Variants in HHAT observed in about 807,000 individuals in gnomAD.
The protein encoded by HHAT is protein-cysteine N-palmitoyltransferase HHAT.
In HHAT, 47 loss-of-function variants were observed where a neutral mutation model predicts 70.8. The ratio of observed to expected loss-of-function variants is 0.66; its 90% CI spans 0.53 to 0.85. HHAT has a LOEUF of 0.85. Ranked by LOEUF, HHAT falls within the 40% of genes least tolerant of loss-of-function variation. HHAT has a pLI of 0.00. For missense variants in HHAT, 609 were observed against 604.8 expected (o/e 1.01, Z -0.07); for synonymous variants, 228 against 247.6 (o/e 0.92, Z 0.74).
intron 10 of HHAT, among the ~76,000 whole-genome samples, chr1:210,595,533 G>A (rs79553015): frequency 0.069 from 10,512 of 152,184 alleles, 484 homozygotes; most frequent in Admixed American, 0.12. Context: ...TCCCTGAGGA[G>A]TCGCCACACT....
chr1:210,546,806 G>A (rs954750071), intron 9 of HHAT, among the ~76,000 whole-genome samples: 10 of 152,142 alleles, frequency 6.6e-5, no homozygotes, highest in African/African-American at 2.4e-4. Context: ...GGAATGGGGA[G>A]GTTGGGATGA....
chr1:210,651,814 G>A (rs1344229655), intron 11 of HHAT, among the ~76,000 whole-genome samples: 1 of 152,230 alleles, frequency 6.6e-6, no homozygotes, highest in African/African-American at 2.4e-5. Context: ...TGGAAAACCT[G>A]GGCATCCAAG....
chr1:210,500,239 CTTG>C (rs2094727464), intron 8 of HHAT, among the ~76,000 whole-genome samples: 2 of 152,206 alleles, frequency 1.3e-5, no homozygotes, highest in South Asian at 2.1e-4. Context: ...TGAATAATCA[CTTG>C]TTGTGATGAT....
intron 9 of HHAT, among the ~76,000 whole-genome samples, chr1:210,558,710 C>G (rs1558158849): frequency 6.6e-6 from 1 of 152,072 alleles, no homozygotes; most frequent in Non-Finnish European, 1.5e-5. Flanking sequence ...GCAGTCTCTG[C>G]CATTTTCTTT....
intron 11 of HHAT, among the ~76,000 whole-genome samples, chr1:210,651,858 G>C (rs891217827): frequency 6.6e-6 from 1 of 152,242 alleles, no homozygotes; most frequent in Admixed American, 6.5e-5. Flanking sequence ...TCTAGGCCAG[G>C]GCTTGGTTGT....
At position 210,636,290 on chromosome 1, in the gene HHAT, G is replaced by C. The variant is rs190886434; in HGVS notation, c.1390+12620G>C. Among the ~76,000 whole-genome samples the C allele has an allele frequency of 5.8e-3, 877 of 152,300 alleles. 4 individuals are homozygous for C. The highest frequency in any genetic ancestry group is 8.5e-3 in the Non-Finnish European group (581 of 68,034). On this transcript the variant is annotated intron_variant, in intron 11 of 11. Transcript: ENST00000261458. ...CAATAGTTACATTTCCTTAGGGAGGGATTCACTTCCCTCCCCTTCTCCTTT... is the reference window on the plus strand; with the variant it reads ...CAATAGTTACATTTCCTTAGGGAGGCATTCACTTCCCTCCCCTTCTCCTTT...
chr1:210,446,310 C>T (rs2093633432), intron 7 of HHAT, among the ~76,000 whole-genome samples: 1 of 152,164 alleles, frequency 6.6e-6, no homozygotes, highest in Admixed American at 6.5e-5. Context: ...AACTTTTCTT[C>T]TTGAAAGATT....
chr1:210,421,651 G>C (rs1217642860), intron 7 of HHAT, among the ~76,000 whole-genome samples: 3 of 151,972 alleles, frequency 2.0e-5, no homozygotes, highest in Non-Finnish European at 4.4e-5. Context: ...CACCATGTTG[G>C]CCAGGCTGGT....
At chr1:210,332,823 CT>C (rs1571639578) in intron 1 of HHAT, among the ~76,000 whole-genome samples, 1 of 152,166 alleles carries the variant, frequency 6.6e-6, no homozygotes, top group African/African-American at 2.4e-5. Context: ...AGTATGACTC[CT>C]GGTATTTTCT....
chr1:210,374,054 C>A (rs74411825), intron 3 of HHAT: 1 of 152,008 alleles, frequency 6.6e-6, no homozygotes, highest in Admixed American at 6.5e-5. Context: ...TTTGCAAGTT[C>A]TGTTACACAA....
At position 210,529,291 on chromosome 1, in the gene HHAT, C is replaced by T. The variant is rs148043796; in HGVS notation, c.1043+16103C>T. On this transcript the variant is annotated intron_variant, in intron 9 of 11. Transcript: ENST00000261458. ...CTGCACTCCAGCCTGGGCAACAGAA[C>T]GAGACTTCATCTCAAAAAAAACAAA... Among the ~76,000 whole-genome samples the T allele has an allele frequency of 4.5e-4, 64 of 142,640 alleles. No homozygotes were observed. In the East Asian group the frequency reaches 6.7e-3, roughly 15 times the overall value. 93.6% of individuals were successfully genotyped at this position (142,640 alleles called of 152,430 possible). A position where few individuals can be genotyped will look rare whatever the true frequency, so the allele number is the denominator to read the frequency against.
chr1:210,626,781 C>T (rs556105705), intron 11 of HHAT, among the ~76,000 whole-genome samples: 14 of 152,216 alleles, frequency 9.2e-5, no homozygotes, highest in Non-Finnish European at 1.8e-4. Context: ...CTCCCTCAGT[C>T]TCTGCTGGGG....
At chr1:210,441,053 C>A (rs1000629116) in intron 7 of HHAT, among the ~76,000 whole-genome samples, 3 of 152,174 alleles carry the variant, frequency 2.0e-5, no homozygotes, top group African/African-American at 7.2e-5. Flanking sequence ...TGTGAGGATG[C>A]CACCCCCTCC....
intron 7 of HHAT, among the ~76,000 whole-genome samples, chr1:210,423,116 C>G (rs948559026): frequency 1.3e-5 from 2 of 152,092 alleles, no homozygotes; most frequent in African/African-American, 4.8e-5. Context: ...TATGGTAGTT[C>G]TATTTGTAGT....
rs539878864 is a variant in HHAT at position 210,586,580 on chromosome 1, A to G, written c.1044-1318A>G. ...ACAGGACAAATGCTAAATTGTTTAA[A>G]ATGCTGGGGCAGTAGGTATAAACTA... On this transcript the variant is annotated intron_variant, in intron 9 of 11. Coordinates refer to ENST00000261458, the MANE Select transcript of HHAT (RefSeq NM_018194.6). Among the ~76,000 whole-genome samples, 15 of 152,358 alleles carry G rather than the reference A, an allele frequency of 9.8e-5. No homozygotes were observed. The South Asian group carries it at 2.5e-3, about 25-fold the overall frequency.
intron 7 of HHAT, among the ~76,000 whole-genome samples, chr1:210,458,701 A>G (rs942149660): frequency 1.3e-5 from 2 of 152,176 alleles, no homozygotes; most frequent in African/African-American, 4.8e-5. Flanking sequence ...ATGTCAGGGC[A>G]GGAAAAATAG....
intron 10 of HHAT, among the ~76,000 whole-genome samples, chr1:210,597,873 C>CCTCTTCT (rs770478724): frequency 2.6e-5 from 4 of 151,818 alleles, no homozygotes; most frequent in Non-Finnish European, 5.9e-5. Context: ...TTTCCTCTTC[C>CCTCTTCT]CTCTTCTTTT....
At chr1:210,668,728 T>C (rs749409353) in intron 11 of HHAT, among the ~76,000 whole-genome samples, 1 of 152,246 alleles carries the variant, frequency 6.6e-6, no homozygotes, top group Non-Finnish European at 1.5e-5. Flanking sequence ...GCCTCCATAC[T>C]GTTTTCCACA....
At chr1:210,622,434 A>G (rs892014358) in intron 10 of HHAT, among the ~76,000 whole-genome samples, 6 of 152,030 alleles carry the variant, frequency 3.9e-5, no homozygotes, top group Admixed American at 1.3e-4. Flanking sequence ...GCATGTGCTG[A>G]TAGGGCTCGC....
Sources: gnomAD v4.1 joint callset for allele counts (sites outside exome capture counted in the v4.1 genomes callset) on GRCh38, gnomAD v4.1.1 for gene constraint, MANE v1.5 for transcripts, NCBI Gene and HGNC (gene_info 2026-07-23, HGNC 2026-07-21) for gene names.